TMTC4: variants seen among roughly 807,000 people sequenced by gnomAD.
The protein encoded by TMTC4 is protein O-mannosyl-transferase TMTC4.
In TMTC4, 65 loss-of-function variants were observed where a neutral mutation model predicts 86.0. The ratio of observed to expected loss-of-function variants is 0.76; its 90% CI spans 0.62 to 0.93. The LOEUF is 0.93. Ranked by LOEUF, TMTC4 falls within the 40% of genes least tolerant of loss-of-function variation. The pLI, the probability that TMTC4 is intolerant of heterozygous loss-of-function variation, is 0.00. For missense variants in TMTC4, 866 were observed against 948.1 expected (o/e 0.91, Z 1.14); for synonymous variants, 379 against 382.5 (o/e 0.99, Z 0.11).
intron 1 of TMTC4, among the ~76,000 whole-genome samples, chr13:100,671,971 A>G (rs752368005): frequency 6.6e-6 from 1 of 152,106 alleles, no homozygotes; most frequent in Non-Finnish European, 1.5e-5. Context: ...GGTGACGGAC[A>G]AACCTGGACT....
intron 1 of TMTC4, chr13:100,673,958 G>C: frequency 8.9e-6 from 8 of 895,892 alleles, no homozygotes; most frequent in Non-Finnish European, 1.1e-5. Flanking sequence ...GCGAAGTGTG[G>C]GATGACTCAT....
At chr13:100,613,199 CTG>C (rs772178360) in intron 16 of TMTC4, among the ~76,000 whole-genome samples, 14 of 152,170 alleles carry the variant, frequency 9.2e-5, no homozygotes, top group Non-Finnish European at 1.9e-4. Context: ...TGACTCCTAT[CTG>C]TGTTTGTACC....
rs542405542 is a variant in TMTC4 at position 100,619,572 on chromosome 13, C to T, written c.1837-5142G>A. 9.2e-5 allele frequency among the ~76,000 whole-genome samples: 14 copies of T among 152,234 alleles called. No individual in the cohort carries two copies. The South Asian group carries it at 1.7e-3, about 18-fold the overall frequency. On this transcript the variant is annotated intron_variant, in intron 15 of 18. Coordinates refer to ENST00000342624, the MANE Select transcript of TMTC4 (RefSeq NM_032813.5). The stretch of plus-strand genomic sequence containing the variant: ...AACAAAAACGTTCTGACTTGTCCTA[C>T]GCTACACAGCAAATAGATAGCATAT...
chr13:100,673,863 A>T (rs1887461704), intron 1 of TMTC4, among the ~76,000 whole-genome samples: 1 of 152,118 alleles, frequency 6.6e-6, no homozygotes, highest in Non-Finnish European at 1.5e-5. Context: ...GAGAAAAGGG[A>T]CAGGGAGGGG....
At chr13:100,625,449 T>C in intron 15 of TMTC4, 86 bp downstream of exon 15, 1 of 1,524,842 alleles carries the variant, frequency 6.6e-7, no homozygotes, top group Non-Finnish European at 9.0e-7. Context: ...ATGTATGGGC[T>C]AGGTGGGTGT....
At chr13:100,663,365 T>C (rs537075509) in intron 4 of TMTC4, among the ~76,000 whole-genome samples, 185 bp from the exon 5 acceptor site, 1 of 152,086 alleles carries the variant, frequency 6.6e-6, no homozygotes, top group East Asian at 1.9e-4. Context: ...GTGGAAAAGG[T>C]GGGAATGTAA....
intron 6 of TMTC4, among the ~76,000 whole-genome samples, chr13:100,644,937 C>T (rs1883523389): frequency 6.6e-6 from 1 of 152,086 alleles, no homozygotes; most frequent in African/African-American, 2.4e-5. Context: ...GCCTCAGCCT[C>T]CTGAGTAGCT....
chr13:100,638,739 A>G, intron 7 of TMTC4: 1 of 152,370 alleles, frequency 6.6e-6, no homozygotes. Flanking sequence ...TTCCCCTTCC[A>G]GCTGGCTGGA....
At chr13:100,640,973 C>A (rs1882929087) in intron 7 of TMTC4, among the ~76,000 whole-genome samples, 1 of 152,058 alleles carries the variant, frequency 6.6e-6, no homozygotes, top group South Asian at 2.1e-4. Flanking sequence ...CTCTCCTTTC[C>A]TGGGTCTTTA....
rs1419298226 is a variant in TMTC4 at position 100,604,973 on chromosome 13, C to G, written c.*21G>C. On this transcript the variant is annotated 3_prime_UTR_variant, in exon 19 of 19. Transcript: ENST00000342624. ...CCTCATGCACACACACACTCAAACT[C>G]AAAACATGAAGGAAACAGGATCAGA... 2 of 1,610,220 alleles carry G rather than the reference C, an allele frequency of 1.2e-6. No individual in the cohort carries two copies. The highest frequency in any genetic ancestry group is 2.2e-5 in the East Asian group (1 of 44,812).
intron 12 of TMTC4, among the ~76,000 whole-genome samples, chr13:100,630,019 C>CTGTGTGTG (rs377655969): frequency 3.4e-5 from 5 of 146,678 alleles, no homozygotes; most frequent in African/African-American, 1.3e-4. Flanking sequence ...GCCACCCAAT[C>CTGTGTGTG]TGTGTGTATG....
rs753567435 is a variant in TMTC4, at chr13:100,635,116, C to T, written c.1282G>A (p.Val428Ile). 1.4e-5 allele frequency: 23 copies of T among 1,613,978 alleles called. No homozygotes were observed. Among genetic ancestry groups the T allele is most frequent in the African/African-American group, 2.7e-5 (2 of 74,898 alleles). ...SNLFFRVGFV[V>I]AERVLYLPSV... ...GGGAGGTAGAGGACACGCTCTGCGACCACGAAGCCCACTCGGAAGAACAGG... is the reference window on the plus strand; with the variant it reads ...GGGAGGTAGAGGACACGCTCTGCGATCACGAAGCCCACTCGGAAGAACAGG... Residue 428 changes from valine (V) to isoleucine (I), a missense_variant, in exon 11 of 19, where the codon GTC becomes ATC. Physicochemically the swap from Val to Ile is conservative, Grantham distance 29. Transcript: ENST00000342624.
At chr13:100,619,762 G>A (rs1190246572) in intron 15 of TMTC4, among the ~76,000 whole-genome samples, 1 of 152,120 alleles carries the variant, frequency 6.6e-6, no homozygotes, top group Non-Finnish European at 1.5e-5. Flanking sequence ...AAAATAATGC[G>A]ATGCTTAATT....
chr13:100,673,850 G>C (rs1887459196), intron 1 of TMTC4, among the ~76,000 whole-genome samples: 1 of 152,124 alleles, frequency 6.6e-6, no homozygotes, highest in African/African-American at 2.4e-5. Flanking sequence ...AGACAGGACT[G>C]CAGAGAAAAG....
Position 100,656,398 on chromosome 13 carries a change from C to T in TMTC4, c.623G>A (p.Cys208Tyr), listed in dbSNP as rs747467230. Residue 208 changes from cysteine (C) to tyrosine (Y), a missense_variant, in exon 6 of 19, where the codon TGT becomes TAT. Physicochemically the swap from Cys to Tyr is radical, Grantham distance 194. Transcript: ENST00000342624. ...ATGCTTACTTTCTCTAAATGCTTTA[C>T]AGTAGCCAAGGAAAGATAACAAGAA... Reference protein sequence around the residue: ...LFFLLSFLGYCKAFRESNKEG... With the variant: ...LFFLLSFLGYYKAFRESNKEG... 4.3e-6 allele frequency: 7 copies of T among 1,613,116 alleles called. No individual in the cohort carries two copies. Among genetic ancestry groups the T allele is most frequent in the Non-Finnish European group, 5.9e-6 (7 of 1,179,686 alleles).
Position 100,670,358 on chromosome 13 carries a change from ACCATTCCATGGTGATGCTGTCC to A in TMTC4, c.-18_3+1del. 6.2e-7 allele frequency: 1 copy of A among 1,609,712 alleles called. No individual in the cohort carries two copies. The highest frequency in any genetic ancestry group is 8.5e-7 in the Non-Finnish European group (1 of 1,178,354). On this transcript the variant is annotated splice_donor_variant and coding_sequence_variant and 5_prime_UTR_variant, in exon 2 of 19. Transcript: ENST00000342624. LOFTEE classifies it high-confidence loss of function. ...ACAGATCCAACAGGCAACGGGACAC[ACCATTCCATGGTGATGCTGTCC>A]CCTTCCAGGGGCCAGAAGGAGGCTC...
chr13:100,663,053 T>C lies in TMTC4; in HGVS notation c.463A>G (p.Thr155Ala). ...FSVLFGGLQY[T>A]SKGRRLHLAP... The stretch of plus-strand genomic sequence containing the variant: ...AGGTGCAGCCTCCGGCCTTTACTGG[T>C]GTACTGCAGGCCGCCAAACAGAACC... Residue 155 changes from threonine (T) to alanine (A), a missense_variant, in exon 5 of 19, where the codon ACC (threonine) becomes GCC (alanine). Transcript: ENST00000342624. 1 of 1,614,068 alleles carries C rather than the reference T, an allele frequency of 6.2e-7. No homozygotes were observed. Among genetic ancestry groups the C allele is most frequent in the Non-Finnish European group, 8.5e-7 (1 of 1,180,008 alleles).
chr13:100,668,457 C>T (rs1168246712), intron 3 of TMTC4, 122 bp downstream of exon 3: 1 of 975,402 alleles, frequency 1.0e-6, no homozygotes. Context: ...ATCGAGAGCA[C>T]CATCGGGGCC....
chr13:100,625,935 T>C lies in TMTC4; in HGVS notation c.1587-43A>G, dbSNP rs765639212. ...ACCAAGCTGACCATTAAATGCTCAA[T>C]AGTAAGTTTTTACTAAACTCTCAGG... On this transcript the variant is annotated intron_variant, in intron 13 of 18. Transcript: ENST00000342624. The C allele has an allele frequency of 5.6e-6, 9 of 1,600,856 alleles. 1 individual carries two copies. The highest frequency in any genetic ancestry group is 3.5e-4 in the Middle Eastern group (2 of 5,758).
Sources: gnomAD v4.1 joint callset for allele counts (sites outside exome capture counted in the v4.1 genomes callset) on GRCh38, gnomAD v4.1.1 for gene constraint, MANE v1.5 for transcripts, NCBI Gene and HGNC (gene_info 2026-07-23, HGNC 2026-07-21) for gene names.